IRAG1: variants seen among roughly 807,000 people sequenced by gnomAD.
The protein encoded by IRAG1 is IP3R-associated cGMP kinase substrate.
IRAG1 carries 62 observed loss-of-function variants against 106.2 expected under a neutral mutation model. The observed-to-expected ratio is 0.58, with a 90% CI of 0.48 to 0.72. IRAG1 has a LOEUF of 0.72. Ranked by LOEUF, IRAG1 falls within the 30% of genes least tolerant of loss-of-function variation. The pLI, the probability that IRAG1 is intolerant of heterozygous loss-of-function variation, is 0.00. For missense variants in IRAG1, 1,064 were observed against 1,140.7 expected, an observed-to-expected ratio of 0.93 and a Z score of 0.97; for synonymous variants, 462 against 443.9, an observed-to-expected ratio of 1.04 and a Z score of -0.51.
chr11:10,654,952 G>C (rs1001321005), intron 1 of IRAG1, among the ~76,000 whole-genome samples: 1 of 152,164 alleles, frequency 6.6e-6, no homozygotes, highest in Non-Finnish European at 1.5e-5. Flanking sequence ...TGAATAAACT[G>C]AGCATCAGGT....
intron 20 of IRAG1, among the ~76,000 whole-genome samples, chr11:10,578,163 A>G (rs1020817705): frequency 6.6e-5 from 10 of 152,214 alleles, no homozygotes; most frequent in African/African-American, 2.2e-4. Flanking sequence ...AGAGTTTAGA[A>G]ATAGATTAGA....
chr11:10,621,404 G>A (rs558145223), intron 10 of IRAG1, among the ~76,000 whole-genome samples: 140 of 152,218 alleles, frequency 9.2e-4, no homozygotes, highest in Non-Finnish European at 1.6e-3. Context: ...AGCTTGAAGC[G>A]GGGCAAGGAT....
rs1316453886 is a variant in IRAG1 at position 10,603,240 on chromosome 11, T to A, written c.1755A>T (p.Ser585=). The A allele has an allele frequency of 1.9e-6, 3 of 1,613,190 alleles. No individual in the cohort carries two copies. Among genetic ancestry groups the A allele is most frequent in the Non-Finnish European group, 2.5e-6 (3 of 1,179,768 alleles). ...NFKASITSSA[S]LWHHCEHRET... is the part of the protein sequence containing the mutation. ...CCCGGTGCTCACAGTGGTGCCAGAG[T>A]GAAGCTGAGGACTGAACAGGAGTAG... The change falls in exon 14 of 21, where the codon TCA becomes TCT. Residue 585 remains serine, a synonymous_variant. Coordinates refer to ENST00000423302, the MANE Select transcript of IRAG1 (RefSeq NM_130385.4).
intron 10 of IRAG1, among the ~76,000 whole-genome samples, chr11:10,622,708 C>A (rs1055035013): frequency 5.3e-5 from 8 of 152,096 alleles, no homozygotes; most frequent in African/African-American, 1.2e-4. Flanking sequence ...CTTCGTCATG[C>A]TGCCCAGACT....
intron 1 of IRAG1, among the ~76,000 whole-genome samples, chr11:10,692,159 G>T (rs896988812): frequency 6.6e-6 from 1 of 151,616 alleles, no homozygotes; most frequent in Non-Finnish European, 1.5e-5. Flanking sequence ...AGGTGCATCC[G>T]CTGTGAATAT....
chr11:10,606,254 G>T (rs1246513041), intron 12 of IRAG1, among the ~76,000 whole-genome samples: 1 of 152,168 alleles, frequency 6.6e-6, no homozygotes, highest in East Asian at 1.9e-4. Flanking sequence ...GGACAAGGAG[G>T]CCCCAGTGAG....
At chr11:10,602,381 T>C (rs1854105825) in intron 14 of IRAG1, among the ~76,000 whole-genome samples, 1 of 152,224 alleles carries the variant, frequency 6.6e-6, no homozygotes, top group African/African-American at 2.4e-5. Context: ...GTGACCATCC[T>C]CATTTTATAC....
intron 2 of IRAG1, among the ~76,000 whole-genome samples, chr11:10,646,588 C>A (rs1352290581): frequency 6.6e-6 from 1 of 152,178 alleles, no homozygotes; most frequent in Non-Finnish European, 1.5e-5. Flanking sequence ...ACAAACAAGA[C>A]TGCTTCTCCA....
At chr11:10,605,366 A>T (rs566768116) in intron 12 of IRAG1, among the ~76,000 whole-genome samples, 2 of 152,328 alleles carry the variant, frequency 1.3e-5, no homozygotes, top group East Asian at 3.9e-4. Context: ...AACATGGCCC[A>T]TGGAAGGCAG....
At chr11:10,600,517 G>C (rs1853875890) in intron 15 of IRAG1, among the ~76,000 whole-genome samples, 1 of 152,212 alleles carries the variant, frequency 6.6e-6, no homozygotes, top group African/African-American at 2.4e-5. Flanking sequence ...TCATTGGCTG[G>C]ATCCCTAATG....
In IRAG1 at chr11:10,629,718, A is replaced by G. The variant is rs1428005943; in HGVS notation, c.401-7T>C. The G allele has an allele frequency of 1.2e-6, 2 of 1,612,088 alleles. No homozygotes were observed. Among genetic ancestry groups the G allele is most frequent in the South Asian group, 2.2e-5 (2 of 90,774 alleles). ...ATGATGTGCCCCGCGGGGTCTGCAG[A>G]AGGAGGATGAGCTGGGGTGAGAGCC... On this transcript the variant is annotated splice_region_variant and splice_polypyrimidine_tract_variant and intron_variant, in intron 4 of 20. Transcript: ENST00000423302.
intron 18 of IRAG1, among the ~76,000 whole-genome samples, chr11:10,588,085 T>C (rs368499846): frequency 1.5e-4 from 23 of 152,208 alleles, no homozygotes; most frequent in African/African-American, 5.3e-4. Flanking sequence ...GTAATTACCA[T>C]TGTCATCAGT....
At chr11:10,654,901 G>A (rs1858800782) in intron 1 of IRAG1, among the ~76,000 whole-genome samples, 1 of 152,198 alleles carries the variant, frequency 6.6e-6, no homozygotes, top group South Asian at 2.1e-4. Context: ...TACGGGGCCA[G>A]GGCATGCTGT....
chr11:10,638,631 T>C (rs1267425896), intron 2 of IRAG1, among the ~76,000 whole-genome samples: 3 of 152,232 alleles, frequency 2.0e-5, no homozygotes, highest in African/African-American at 7.2e-5. Flanking sequence ...CTTGTATGAG[T>C]CCTCTGATGA....
rs552016400 is a variant in IRAG1, at chr11:10,608,278, C to G, written c.1571+1450G>C. Among the ~76,000 whole-genome samples the G allele has an allele frequency of 1.7e-3, 262 of 152,176 alleles. 1 individual carries two copies. The highest frequency in any genetic ancestry group is 6.1e-3 in the African/African-American group (254 of 41,514). Reference sequence around the variant, plus strand: ...TAGCTGGGACTATGGGTGCATGCCACTATACCTGGCTAATTTTTTATTTTT... The same window carrying G: ...TAGCTGGGACTATGGGTGCATGCCAGTATACCTGGCTAATTTTTTATTTTT... On this transcript the variant is annotated intron_variant, in intron 11 of 20. Transcript: ENST00000423302.
chr11:10,594,351 A>T, intron 15 of IRAG1, 156 bp from the exon 16 acceptor site: 1 of 616,756 alleles, frequency 1.6e-6, no homozygotes, highest in South Asian at 2.2e-5. Context: ...TTGGCACTTC[A>T]TCCTTTGAGA....
At chr11:10,640,303 G>A (rs531668081) in intron 2 of IRAG1, among the ~76,000 whole-genome samples, 89 of 152,292 alleles carry the variant, frequency 5.8e-4, no homozygotes, top group Admixed American at 3.9e-4. Flanking sequence ...GCAGGTAACC[G>A]CAGACACTCA....
At chr11:10,593,007 A>G (rs1308731802) in intron 17 of IRAG1, among the ~76,000 whole-genome samples, 2 of 152,208 alleles carry the variant, frequency 1.3e-5, no homozygotes, top group South Asian at 2.1e-4. Flanking sequence ...TGCTTAACCA[A>G]TCTCTTATTA....
intron 18 of IRAG1, chr11:10,589,142 AGC>A: frequency 6.6e-6 from 1 of 152,288 alleles, no homozygotes; most frequent in East Asian, 1.9e-4. Context: ...CCTGTGAACT[AGC>A]CACAGGGTAT....
Sources: allele counts gnomAD v4.1 joint callset (sites outside exome capture counted in the v4.1 genomes callset), GRCh38; gene constraint gnomAD v4.1.1; transcripts MANE v1.5; gene names NCBI Gene and HGNC (gene_info 2026-07-23, HGNC 2026-07-21).